Variants in EPSTI1 observed in about 807,000 individuals in gnomAD.
EPSTI1 encodes the protein epithelial-stromal interaction protein 1.
In EPSTI1, 66 loss-of-function variants were observed where a neutral mutation model predicts 49.9. That is an observed-to-expected ratio of 1.32 (90% CI 1.08 to 1.62). The LOEUF (loss-of-function observed/expected upper bound fraction) is 1.62. Among genes scored for constraint, EPSTI1 ranks in the 40% most tolerant of loss-of-function variants. The pLI, the probability that EPSTI1 is intolerant of heterozygous loss-of-function variation, is 0.00. For missense variants in EPSTI1, 394 were observed against 365.5 expected (o/e 1.08, Z -0.64); for synonymous variants, 137 against 130.7 (o/e 1.05, Z -0.33).
intron 7 of EPSTI1, among the ~76,000 whole-genome samples, chr13:42,924,720 T>C (rs1482056949): frequency 6.6e-6 from 1 of 152,200 alleles, no homozygotes; most frequent in Admixed American, 6.5e-5. Context: ...ATGATGAATT[T>C]CCTTTAATAT....
At chr13:42,923,763 CA>C (rs1163675313) in intron 7 of EPSTI1, among the ~76,000 whole-genome samples, 2 of 152,092 alleles carry the variant, frequency 1.3e-5, no homozygotes, top group Non-Finnish European at 2.9e-5. Flanking sequence ...AGTCCTAAGC[CA>C]AAAGGAATTT....
chr13:42,956,299 G>A (rs2039269932), intron 5 of EPSTI1, among the ~76,000 whole-genome samples: 1 of 152,172 alleles, frequency 6.6e-6, no homozygotes, highest in Admixed American at 6.5e-5. Context: ...TTCTTTCTAT[G>A]GAGAGTGGAC....
At chr13:42,941,188 C>A (rs2038739713) in intron 6 of EPSTI1, among the ~76,000 whole-genome samples, 1 of 152,070 alleles carries the variant, frequency 6.6e-6, no homozygotes, top group Non-Finnish European at 1.5e-5. Context: ...TGATTCAATA[C>A]AAATTGTCAA....
intron 6 of EPSTI1, among the ~76,000 whole-genome samples, chr13:42,933,134 G>A (rs998844348): frequency 2.6e-5 from 4 of 152,090 alleles, no homozygotes; most frequent in African/African-American, 9.7e-5. Context: ...GATGGAATAT[G>A]AATAAGGTCT....
rs2153418079 is a variant in EPSTI1, at chr13:42,917,524, T to G, written c.741+17A>C. 1 of 1,595,640 alleles carries G rather than the reference T, an allele frequency of 6.3e-7. No individual in the cohort carries two copies. Among genetic ancestry groups the G allele is most frequent in the African/African-American group, 1.3e-5 (1 of 74,502 alleles). ...CAAATAAACAGTTAGCAATAACTAG[T>G]AGGGGCTTGTAAGTACCTTTTGATG... On this transcript the variant is annotated intron_variant, in intron 8 of 10. Transcript: ENST00000313624.
intron 7 of EPSTI1, 67 bp downstream of exon 7, chr13:42,926,269 T>C (rs533655665): frequency 2.1e-4 from 191 of 913,504 alleles, no homozygotes; most frequent in Admixed American, 3.4e-4. Flanking sequence ...TCTATATCCC[T>C]CATCTTCAGT....
intron 6 of EPSTI1, among the ~76,000 whole-genome samples, chr13:42,939,701 T>C (rs2038689120): frequency 6.6e-6 from 1 of 152,190 alleles, no homozygotes; most frequent in Non-Finnish European, 1.5e-5. Flanking sequence ...AAATCAGATG[T>C]AATTATAACG....
chr13:42,898,366 C>T (rs534909347), intron 9 of EPSTI1, among the ~76,000 whole-genome samples: 1 of 152,280 alleles, frequency 6.6e-6, no homozygotes, highest in African/African-American at 2.4e-5. Context: ...AGTATGTATT[C>T]TCACATGATA....
intron 6 of EPSTI1, among the ~76,000 whole-genome samples, chr13:42,951,633 C>G (rs1018341479): frequency 6.6e-6 from 1 of 152,242 alleles, no homozygotes; most frequent in South Asian, 2.1e-4. Flanking sequence ...ACTCAAGAAG[C>G]TGGAACTATA....
intron 5 of EPSTI1, among the ~76,000 whole-genome samples, chr13:42,955,282 G>A (rs901927194): frequency 6.6e-6 from 1 of 152,136 alleles, no homozygotes; most frequent in Non-Finnish European, 1.5e-5. Flanking sequence ...GGACTGGGGG[G>A]TCGTGGTGGA....
chr13:42,958,751 G>GGATTTGA (rs1438500681), intron 5 of EPSTI1, among the ~76,000 whole-genome samples: 1 of 151,300 alleles, frequency 6.6e-6, no homozygotes, highest in Non-Finnish European at 1.5e-5. Flanking sequence ...AAGCCAGCAA[G>GGATTTGA]GATTTTGGTA....
chr13:42,976,281 C>T (rs764887118), intron 1 of EPSTI1, among the ~76,000 whole-genome samples: 14 of 152,164 alleles, frequency 9.2e-5, no homozygotes, highest in Non-Finnish European at 1.6e-4. Context: ...TAAAATCCTT[C>T]GGGAATACAC....
intron 1 of EPSTI1, among the ~76,000 whole-genome samples, chr13:42,972,063 G>A (rs1017662490): frequency 2.6e-5 from 4 of 152,188 alleles, no homozygotes; most frequent in African/African-American, 9.6e-5. Flanking sequence ...CCCGTGGGTA[G>A]TCCCTGGAAA....
chr13:42,936,233 C>G (rs1000069547), intron 6 of EPSTI1, among the ~76,000 whole-genome samples: 1 of 152,188 alleles, frequency 6.6e-6, no homozygotes, highest in Non-Finnish European at 1.5e-5. Flanking sequence ...TATCAGCATA[C>G]AAACATGATC....
chr13:42,985,417 T>A (rs548787075), intron 1 of EPSTI1, among the ~76,000 whole-genome samples: 4 of 152,350 alleles, frequency 2.6e-5, no homozygotes, highest in African/African-American at 9.6e-5. Context: ...TGCAAAGTTG[T>A]AGTTTTTGCA....
intron 2 of EPSTI1, chr13:42,970,045 G>C (rs766601304): frequency 2.0e-5 from 3 of 152,318 alleles, no homozygotes; most frequent in Admixed American, 2.0e-4. Context: ...TCTTTAGAGA[G>C]CTTTTTCCCT....
At position 42,917,538 on chromosome 13, in the gene EPSTI1, T is replaced by C; in HGVS notation, c.741+3A>G. 1 of 1,604,194 alleles carries C rather than the reference T, an allele frequency of 6.2e-7. No individual in the cohort carries two copies. The highest frequency in any genetic ancestry group is 8.5e-7 in the Non-Finnish European group (1 of 1,173,896). ...GCAATAACTAGTAGGGGCTTGTAAG[T>C]ACCTTTTGATGTTGTTCATCCTTCA... On this transcript the variant is annotated splice_donor_region_variant and intron_variant, in intron 8 of 10. Transcript: ENST00000313624.
chr13:42,946,280 G>T (rs1171776474), intron 6 of EPSTI1, among the ~76,000 whole-genome samples: 1 of 152,192 alleles, frequency 6.6e-6, no homozygotes, highest in African/African-American at 2.4e-5. Context: ...TGGCAAAAAT[G>T]AAGAAAACTT....
rs1297127157 is a variant in EPSTI1 at position 42,922,074 on chromosome 13, A to G, written c.657+4262T>C. The stretch of plus-strand genomic sequence containing the variant: ...TATACCGACTGGCTTGGCAGTGAGA[A>G]AACGTGTATATAGTCATAATAGGGA... On this transcript the variant is annotated intron_variant, in intron 7 of 10. Transcript: ENST00000313624. This position sits in a 1 kb window ranked among gnomAD's most constrained non-coding sequence, Gnocchi z 4.8. Among the ~76,000 whole-genome samples, 2 of 152,228 alleles carry G rather than the reference A, an allele frequency of 1.3e-5. No individual in the cohort carries two copies. Among genetic ancestry groups the G allele is most frequent in the Non-Finnish European group, 2.9e-5 (2 of 68,038 alleles).
Sources: gnomAD v4.1 joint callset for allele counts (sites outside exome capture counted in the v4.1 genomes callset) on GRCh38, gnomAD v4.1.1 for gene constraint, Gnocchi (gnomAD v3.1) non-coding constraint, MANE v1.5 for transcripts, NCBI Gene and HGNC (gene_info 2026-07-23, HGNC 2026-07-21) for gene names.